The following MICU2 variants were observed in gnomAD, a reference collection of about 807,000 sequenced individuals.
The protein encoded by MICU2 is calcium uptake protein 2, mitochondrial.
MICU2 carries 64 observed loss-of-function variants against 60.4 expected under a neutral mutation model. That is an observed-to-expected ratio of 1.06 (90% CI 0.87 to 1.31). MICU2 has a LOEUF of 1.31. Among genes scored for constraint, MICU2 ranks in the 50% most tolerant of loss-of-function variants. MICU2 has a pLI of 0.00. For synonymous variants in MICU2, 201 were observed against 175.0 expected (o/e 1.15, Z -1.17); for missense variants, 569 against 531.0 (o/e 1.07, Z -0.70).
chr13:21,549,176 G>A (rs1176964371), intron 2 of MICU2, among the ~76,000 whole-genome samples: 14 of 151,914 alleles, frequency 9.2e-5, no homozygotes, highest in Non-Finnish European at 1.5e-4. Flanking sequence ...TGATCCGCCC[G>A]CCTTGGCCTC....
rs1555273323 is a variant in MICU2, at chr13:21,544,532, A to AAC, written c.359-4845_359-4844insGT. On this transcript the variant is annotated intron_variant, in intron 2 of 11. Transcript: ENST00000382374. ...TAAACACATGAAAAAAAAAAAAAAAAAACTCAATACCACTGATCATCAGGG... is the reference window on the plus strand; with the variant it reads ...TAAACACATGAAAAAAAAAAAAAAAAACAACTCAATACCACTGATCATCAGGG... Among the ~76,000 whole-genome samples, 37 of 132,588 alleles carry AAC rather than the reference A, an allele frequency of 2.8e-4. 1 individual carries two copies. Among genetic ancestry groups the AAC allele is most frequent in the African/African-American group, 8.1e-4 (30 of 36,986 alleles). The allele number at this position is 132,588 out of a possible 152,430, so 87.0% of individuals were successfully genotyped here.
chr13:21,533,653 G>A (rs1043232678), intron 4 of MICU2, among the ~76,000 whole-genome samples: 2 of 152,026 alleles, frequency 1.3e-5, no homozygotes, highest in Non-Finnish European at 2.9e-5. Flanking sequence ...AATTCTATTT[G>A]TGTTTAATAC....
At chr13:21,598,727 A>G (rs188347749) in intron 1 of MICU2, among the ~76,000 whole-genome samples, 158 of 152,316 alleles carry the variant, frequency 1.0e-3, no homozygotes, top group African/African-American at 3.6e-3. Flanking sequence ...AAAAAAAGAA[A>G]AAAAAAGTAA....
chr13:21,598,241 C>T (rs780561923), intron 1 of MICU2, among the ~76,000 whole-genome samples: 2 of 151,920 alleles, frequency 1.3e-5, no homozygotes, highest in Non-Finnish European at 2.9e-5. Context: ...TCCAATATTA[C>T]GTATAATTTG....
intron 4 of MICU2, among the ~76,000 whole-genome samples, chr13:21,528,375 T>C (rs1379632378): frequency 6.6e-6 from 1 of 152,200 alleles, no homozygotes; most frequent in Non-Finnish European, 1.5e-5. Context: ...AAAATAAACA[T>C]TTAGTGTTTT....
intron 4 of MICU2, among the ~76,000 whole-genome samples, chr13:21,534,559 C>G (rs1887087453): frequency 6.6e-6 from 1 of 151,950 alleles, no homozygotes; most frequent in African/African-American, 2.4e-5. Context: ...AAAGTTTTAA[C>G]TGGGAAATAT....
At chr13:21,508,945 G>GC (rs1303943160) in intron 8 of MICU2, among the ~76,000 whole-genome samples, 9 of 152,146 alleles carry the variant, frequency 5.9e-5, no homozygotes, top group Non-Finnish European at 1.0e-4. Flanking sequence ...GTATTTAAAT[G>GC]TTTTTCTGCA....
intron 2 of MICU2, among the ~76,000 whole-genome samples, chr13:21,554,916 C>T (rs1224265507): frequency 6.6e-6 from 1 of 152,122 alleles, no homozygotes; most frequent in East Asian, 1.9e-4. Flanking sequence ...ACTAGAAAAT[C>T]TAGAAGAAAT....
chr13:21,511,094 C>G (rs1313484492), intron 7 of MICU2, among the ~76,000 whole-genome samples: 1 of 152,126 alleles, frequency 6.6e-6, no homozygotes, highest in Non-Finnish European at 1.5e-5. Flanking sequence ...GGGCTGTGAT[C>G]TGGAACATTT....
At chr13:21,580,266 G>C (rs921143948) in intron 1 of MICU2, among the ~76,000 whole-genome samples, 4 of 152,198 alleles carry the variant, frequency 2.6e-5, no homozygotes, top group Non-Finnish European at 5.9e-5. Context: ...TCTGGTGCAG[G>C]TTAAAGAAAA....
chr13:21,588,050 G>C (rs1033196876), intron 1 of MICU2, among the ~76,000 whole-genome samples: 2 of 152,122 alleles, frequency 1.3e-5, no homozygotes, highest in Non-Finnish European at 2.9e-5. Flanking sequence ...GTGTCAACCA[G>C]GAGTCTTGCC....
At chr13:21,531,463 G>A in intron 4 of MICU2, 1 of 627,152 alleles carries the variant, frequency 1.6e-6, no homozygotes, top group Non-Finnish European at 2.8e-6. Flanking sequence ...AACAAGAACT[G>A]ATGCTCCTTG....
At chr13:21,516,694 T>C (rs2138157711) in intron 6 of MICU2, among the ~76,000 whole-genome samples, 1 of 152,342 alleles carries the variant, frequency 6.6e-6, no homozygotes, top group South Asian at 2.1e-4. Context: ...CTTCTTAATT[T>C]TGGTCATTCT....
At chr13:21,502,827 G>T in intron 9 of MICU2, 99 bp downstream of exon 9, 1 of 1,128,146 alleles carries the variant, frequency 8.9e-7, no homozygotes, top group Non-Finnish European at 1.3e-6. Flanking sequence ...ATACCATCGA[G>T]GGTAGCACAG....
At chr13:21,550,523 G>C (rs1419066371) in intron 2 of MICU2, among the ~76,000 whole-genome samples, 3 of 152,214 alleles carry the variant, frequency 2.0e-5, no homozygotes, top group Non-Finnish European at 2.9e-5. Context: ...GGACCACAGA[G>C]TAAGACGCTA....
chr13:21,560,305 G>T (rs1887809960), intron 2 of MICU2, among the ~76,000 whole-genome samples: 1 of 151,214 alleles, frequency 6.6e-6, no homozygotes, highest in Admixed American at 6.6e-5. Context: ...TTTTCCATAT[G>T]CATATCCAAC....
At chr13:21,603,827 AC>A in intron 1 of MICU2, 111 bp downstream of exon 1, 1 of 1,200,502 alleles carries the variant, frequency 8.3e-7, no homozygotes, top group Non-Finnish European at 1.2e-6. Context: ...CCGCAGCGGC[AC>A]CTCCACCCAC....
intron 8 of MICU2, 86 bp downstream of exon 8, chr13:21,509,918 G>T (rs1886385128): frequency 4.3e-6 from 3 of 697,928 alleles, no homozygotes; most frequent in South Asian, 4.3e-5. Context: ...TTTATGATCT[G>T]CAGTTCTAGA....
At chr13:21,499,785 C>T (rs1886098442) in intron 9 of MICU2, among the ~76,000 whole-genome samples, 1 of 152,020 alleles carries the variant, frequency 6.6e-6, no homozygotes. Flanking sequence ...GAGGATTTCA[C>T]ACCTGTAATC....
Sources: allele counts gnomAD v4.1 joint callset (sites outside exome capture counted in the v4.1 genomes callset), GRCh38; gene constraint gnomAD v4.1.1; transcripts MANE v1.5; gene names NCBI Gene and HGNC (gene_info 2026-07-23, HGNC 2026-07-21).